Variants in CEP128 observed in about 807,000 individuals in gnomAD.
CEP128 encodes centrosomal protein 128kDa.
In CEP128, 132 loss-of-function variants were observed where a neutral mutation model predicts 156.7. The ratio of observed to expected loss-of-function variants is 0.84; its 90% confidence interval spans 0.73 to 0.97. CEP128 has a LOEUF of 0.97. Among genes scored for constraint, CEP128 ranks in the 50% least tolerant of loss-of-function variants. The pLI is 0.00. For missense variants in CEP128, 1,252 were observed against 1,281.9 expected, an observed-to-expected ratio of 0.98 and a Z score of 0.36; for synonymous variants, 469 against 448.9, an observed-to-expected ratio of 1.04 and a Z score of -0.57.
rs188584589 is a variant in CEP128 at position 80,609,072 on chromosome 14, G to A, written c.2807-28649C>T. Among the ~76,000 whole-genome samples, 3 of 152,222 alleles carry A rather than the reference G, an allele frequency of 2.0e-5. No individual in the cohort carries two copies. The East Asian group carries it at 5.8e-4, about 29-fold the overall frequency. ...GAGAGATTTCTGAACCATGACTTGGGACTATTAGAGACATACTAATGATAC... is the reference window on the plus strand; with the variant it reads ...GAGAGATTTCTGAACCATGACTTGGAACTATTAGAGACATACTAATGATAC... On this transcript the variant is annotated intron_variant, in intron 19 of 24. Transcript: ENST00000555265.
In CEP128 at chr14:80,559,273, A is replaced by C. The variant is rs751990770; in HGVS notation, c.2880+6T>G. 7 of 1,605,566 alleles carry C rather than the reference A, an allele frequency of 4.4e-6. No individual in the cohort carries two copies. In the Admixed American group the frequency reaches 1.0e-4, roughly 24 times the overall value. ...ATAAAAGGAGAAAGAAAATGCCCCA[A>C]CTTACCGTTTCTAATGCAATTACAC... On this transcript the variant is annotated splice_donor_region_variant and intron_variant, in intron 21 of 24. Transcript: ENST00000555265.
At chr14:80,764,120 C>T (rs550941040) in intron 16 of CEP128, among the ~76,000 whole-genome samples, 21 of 152,320 alleles carry the variant, frequency 1.4e-4, no homozygotes, top group African/African-American at 4.3e-4. Context: ...GAAGACAAAA[C>T]TACTTCAATC....
chr14:80,502,656 GTTAAATGTAGTGGAT>G (rs1385094328), intron 24 of CEP128, among the ~76,000 whole-genome samples: 2 of 152,110 alleles, frequency 1.3e-5, no homozygotes, highest in Middle Eastern at 3.4e-3. Flanking sequence ...TTTTGCTCTT[GTTAAATGTAGTGGAT>G]TTAATATTTT....
intron 21 of CEP128, among the ~76,000 whole-genome samples, chr14:80,534,047 T>C (rs1414925735): frequency 1.3e-5 from 2 of 152,184 alleles, no homozygotes; most frequent in Non-Finnish European, 2.9e-5. Context: ...AGATGTGAAG[T>C]AATGAAGACA....
chr14:80,618,981 C>T (rs1323132063), intron 19 of CEP128, among the ~76,000 whole-genome samples: 2 of 152,144 alleles, frequency 1.3e-5, no homozygotes, highest in South Asian at 4.1e-4. Context: ...AATTATCTTC[C>T]CTGATCCAGG....
At chr14:80,526,837 T>C (rs1297587277) in intron 23 of CEP128, 32 bp downstream of exon 23, 1 of 1,276,078 alleles carries the variant, frequency 7.8e-7, no homozygotes, top group Non-Finnish European at 1.1e-6. Context: ...GGATACTACT[T>C]AAAGACTAAA....
At chr14:80,563,899 A>C (rs890319624) in intron 20 of CEP128, among the ~76,000 whole-genome samples, 1 of 152,156 alleles carries the variant, frequency 6.6e-6, no homozygotes, top group African/African-American at 2.4e-5. Flanking sequence ...AAAATAAATT[A>C]TTGTATTACA....
intron 2 of CEP128, among the ~76,000 whole-genome samples, chr14:80,935,638 C>A (rs1181389748): frequency 1.2e-5 from 1 of 81,020 alleles, no homozygotes; most frequent in African/African-American, 4.6e-5. Flanking sequence ...AGCTATGAGT[C>A]CCCCCACCAA....
intron 22 of CEP128, among the ~76,000 whole-genome samples, chr14:80,529,843 A>T (rs1173209058): frequency 1.3e-5 from 2 of 152,186 alleles, no homozygotes; most frequent in Non-Finnish European, 2.9e-5. Flanking sequence ...TCGTCAGCTA[A>T]ACTGGATCTC....
intron 21 of CEP128, among the ~76,000 whole-genome samples, chr14:80,549,793 TG>T (rs1181872954): frequency 6.6e-6 from 1 of 152,206 alleles, no homozygotes; most frequent in Non-Finnish European, 1.5e-5. Flanking sequence ...CTTCGGTGCC[TG>T]TAGAGTGATT....
intron 13 of CEP128, among the ~76,000 whole-genome samples, chr14:80,806,396 C>T (rs922146274): frequency 6.6e-6 from 1 of 152,148 alleles, no homozygotes; most frequent in African/African-American, 2.4e-5. Context: ...TTTAAATACA[C>T]ATTTCTTCAG....
At chr14:80,839,783 AT>A (rs1886263566) in intron 10 of CEP128, among the ~76,000 whole-genome samples, 1 of 152,174 alleles carries the variant, frequency 6.6e-6, no homozygotes, top group Non-Finnish European at 1.5e-5. Context: ...CAAATGTCAT[AT>A]TAAAAAAAAG....
chr14:80,614,425 T>G (rs1388467585), intron 19 of CEP128, among the ~76,000 whole-genome samples: 1 of 152,172 alleles, frequency 6.6e-6, no homozygotes, highest in African/African-American at 2.4e-5. Context: ...CTCCTATTCT[T>G]TTTTATCATT....
chr14:80,597,950 C>CAAAAA (rs34001813), intron 19 of CEP128, among the ~76,000 whole-genome samples: 817 of 79,104 alleles, frequency 0.01, 12 homozygotes, highest in East Asian at 0.026. Context: ...TCCTCAGCTA[C>CAAAAA]AAAAAAAAAA....
At chr14:80,698,838 T>C (rs1566863762) in intron 19 of CEP128, among the ~76,000 whole-genome samples, 1 of 152,206 alleles carries the variant, frequency 6.6e-6, no homozygotes, top group Non-Finnish European at 1.5e-5. Context: ...CAATTTTTCA[T>C]TTTCTCTTTT....
At chr14:80,909,305 T>C (rs957494533) in intron 4 of CEP128, among the ~76,000 whole-genome samples, 1 of 151,998 alleles carries the variant, frequency 6.6e-6, no homozygotes, top group Non-Finnish European at 1.5e-5. Context: ...CAGCATCCTT[T>C]TTATGTAGGC....
At chr14:80,685,654 T>A (rs2139277927) in intron 19 of CEP128, among the ~76,000 whole-genome samples, 1 of 151,748 alleles carries the variant, frequency 6.6e-6, no homozygotes, top group Non-Finnish European at 1.5e-5. Context: ...ACAGCAAAAA[T>A]AATCCTAAGC....
rs79738812 is a variant in CEP128 at position 80,632,290 on chromosome 14, C to A, written c.2807-51867G>T. On this transcript the variant is annotated intron_variant, in intron 19 of 24. Coordinates refer to ENST00000555265, the MANE Select transcript of CEP128 (RefSeq NM_152446.5). The stretch of plus-strand genomic sequence containing the variant: ...TACATAGAATTATACTATATGTGTA[C>A]TTTGTTGACTTGCTATTTACATTCA... Among the ~76,000 whole-genome samples the A allele has an allele frequency of 5.0e-3, 751 of 151,252 alleles. 2 individuals carry two copies. Among genetic ancestry groups the A allele is most frequent in the African/African-American group, 0.017 (716 of 41,328 alleles).
At chr14:80,820,824 T>C (rs1475539038) in intron 13 of CEP128, among the ~76,000 whole-genome samples, 2 of 152,240 alleles carry the variant, frequency 1.3e-5, no homozygotes, top group Admixed American at 1.3e-4. Context: ...TAATGAGAAT[T>C]GCCACAAGTT....
Sources: allele counts gnomAD v4.1 joint callset (sites outside exome capture counted in the v4.1 genomes callset), GRCh38; gene constraint gnomAD v4.1.1; transcripts MANE v1.5; gene names NCBI Gene and HGNC (gene_info 2026-07-23, HGNC 2026-07-21).